MAP2K5: variants seen among roughly 807,000 people sequenced by gnomAD.
MAP2K5 encodes the protein dual specificity mitogen-activated protein kinase kinase 5.
MAP2K5 carries 49 observed loss-of-function variants against 83.1 expected under a neutral mutation model. That is an observed-to-expected ratio of 0.59 (90% CI 0.47 to 0.75). The LOEUF is 0.75. Ranked by LOEUF, MAP2K5 falls within the 30% of genes least tolerant of loss-of-function variation. MAP2K5 has a pLI of 0.00. For synonymous variants in MAP2K5, 202 were observed against 191.8 expected, an observed-to-expected ratio of 1.05 and a Z score of -0.44; for missense variants, 457 against 557.5, an observed-to-expected ratio of 0.82 and a Z score of 1.82.
rs2084762818 is a variant in MAP2K5 at position 67,562,776 on chromosome 15, T to G, written c.185-507T>G. ...TTCATGTCGCAGGTTTGTTATGAGG[T>G]TTTCAAGGAGGTATTGCATATGAAG... On this transcript the variant is annotated intron_variant, in intron 2 of 21. Coordinates refer to ENST00000178640, the MANE Select transcript of MAP2K5 (RefSeq NM_145160.3). The surrounding 1 kb of genome is among the most constrained non-coding windows in gnomAD (Gnocchi z 4.1). Among the ~76,000 whole-genome samples the G allele has an allele frequency of 6.6e-6, 1 of 151,966 alleles. No individual in the cohort carries two copies. The highest frequency in any genetic ancestry group is 2.4e-5 in the African/African-American group (1 of 41,348).
At position 67,758,543 on chromosome 15, in the gene MAP2K5, T is replaced by C. The variant is rs1355970362; in HGVS notation, c.1134+9942T>C. ...CATTTTATTTCTGTCTTCCTAGTAC[T>C]GCACCTAACATCCTATAGGCTCTTG... On this transcript the variant is annotated intron_variant, in intron 19 of 21. Transcript: ENST00000178640. This position sits in a 1 kb window ranked among gnomAD's most constrained non-coding sequence, Gnocchi z 4.7. Among the ~76,000 whole-genome samples the C allele has an allele frequency of 6.6e-6, 1 of 152,232 alleles. No individual in the cohort carries two copies. Among genetic ancestry groups the C allele is most frequent in the Non-Finnish European group, 1.5e-5 (1 of 68,036 alleles).
intron 2 of MAP2K5, among the ~76,000 whole-genome samples, chr15:67,558,786 T>C (rs145593249): frequency 2.0e-5 from 3 of 152,248 alleles, no homozygotes; most frequent in Non-Finnish European, 4.4e-5. Context: ...TCCCCAGATA[T>C]CAGCAAGGCC....
Position 67,760,449 on chromosome 15 carries a change from A to G in MAP2K5, c.1135-9153A>G, listed in dbSNP as rs1596926280. On this transcript the variant is annotated intron_variant, in intron 19 of 21. Coordinates refer to ENST00000178640, the MANE Select transcript of MAP2K5 (RefSeq NM_145160.3). This position sits in a 1 kb window ranked among gnomAD's most constrained non-coding sequence, Gnocchi z 4.1. Reference sequence around the variant, plus strand: ...ATTTTATTAACTATTGCTGAAAAAAATCTATATTTTTATTATTTCCAAGTG... The same window carrying G: ...ATTTTATTAACTATTGCTGAAAAAAGTCTATATTTTTATTATTTCCAAGTG... 6.6e-6 allele frequency among the ~76,000 whole-genome samples: 1 copy of G among 152,232 alleles called. No individual in the cohort carries two copies. Among genetic ancestry groups the G allele is most frequent in the East Asian group, 1.9e-4 (1 of 5,208 alleles).
chr15:67,792,527 ACACT>A (rs2090535980), intron 21 of MAP2K5, among the ~76,000 whole-genome samples: 1 of 152,144 alleles, frequency 6.6e-6, no homozygotes, highest in Non-Finnish European at 1.5e-5. Flanking sequence ...AAACCAGCTG[ACACT>A]CACTCTCTGA....
Position 67,744,105 on chromosome 15 carries a change from T to A in MAP2K5, c.1075-4126T>A, listed in dbSNP as rs568452482. 2.0e-5 allele frequency among the ~76,000 whole-genome samples: 3 copies of A among 152,370 alleles called. No individual in the cohort carries two copies. In the South Asian group the frequency reaches 6.2e-4, roughly 32 times the overall value. ...TGAACTAGATCATCTCTGGGGTTCCTTCCTTTCATAAATACTTTGGATCAT... is the reference window on the plus strand; with the variant it reads ...TGAACTAGATCATCTCTGGGGTTCCATCCTTTCATAAATACTTTGGATCAT... On this transcript the variant is annotated intron_variant, in intron 17 of 21. Transcript: ENST00000178640.
At chr15:67,743,165 G>A (rs1441254405) in intron 17 of MAP2K5, among the ~76,000 whole-genome samples, 1 of 152,160 alleles carries the variant, frequency 6.6e-6, no homozygotes, top group Non-Finnish European at 1.5e-5. Context: ...TTTCAAAACT[G>A]GTCACTCCTG....
At chr15:67,714,114 C>T (rs1365813783) in intron 16 of MAP2K5, among the ~76,000 whole-genome samples, 1 of 152,106 alleles carries the variant, frequency 6.6e-6, no homozygotes, top group Admixed American at 6.5e-5. Context: ...TAGGCATATT[C>T]CCTTTCCTTG....
intron 9 of MAP2K5, among the ~76,000 whole-genome samples, chr15:67,643,820 C>A (rs1483565776): frequency 6.6e-6 from 1 of 152,076 alleles, no homozygotes; most frequent in East Asian, 1.9e-4. Context: ...AACGCCTGGC[C>A]AATGTCAGGA....
chr15:67,604,935 G>A (rs892795236), intron 8 of MAP2K5, among the ~76,000 whole-genome samples: 5 of 151,966 alleles, frequency 3.3e-5, no homozygotes, highest in South Asian at 2.1e-4. Flanking sequence ...GAGAAGATCC[G>A]TAAAAGGCTT....
intron 13 of MAP2K5, among the ~76,000 whole-genome samples, chr15:67,686,471 G>T (rs185376491): frequency 6.6e-6 from 1 of 151,830 alleles, no homozygotes; most frequent in Non-Finnish European, 1.5e-5. Flanking sequence ...GCTGGGGGTG[G>T]TGGCAGGCGC....
Position 67,806,789 on chromosome 15 carries a change from A to G in MAP2K5, c.*39A>G, listed in dbSNP as rs1417504260. 2 of 1,592,658 alleles carry G rather than the reference A, an allele frequency of 1.3e-6. No homozygotes were observed. Among genetic ancestry groups the G allele is most frequent in the East Asian group, 4.5e-5 (2 of 44,412 alleles). On this transcript the variant is annotated 3_prime_UTR_variant, in exon 22 of 22. Coordinates refer to ENST00000178640, the MANE Select transcript of MAP2K5 (RefSeq NM_145160.3). ...CACTGAAAGCCCAGGACCAGTAACC[A>G]AGGAGAACAACCCACCCGTCGCCCT... is the stretch of plus-strand genomic sequence containing the variant.
At chr15:67,578,641 G>T (rs148430059) in intron 3 of MAP2K5, among the ~76,000 whole-genome samples, 3 of 151,754 alleles carry the variant, frequency 2.0e-5, no homozygotes, top group Non-Finnish European at 4.4e-5. Context: ...TGTGTTAGTC[G>T]TAGTACAGAG....
At chr15:67,651,104 G>C (rs1381217815) in intron 11 of MAP2K5, among the ~76,000 whole-genome samples, 1 of 152,178 alleles carries the variant, frequency 6.6e-6, no homozygotes, top group East Asian at 1.9e-4. Context: ...TGTAATCCCA[G>C]CTACTTGAGA....
In MAP2K5 at chr15:67,760,811, A is replaced by G. The variant is rs2089935244; in HGVS notation, c.1135-8791A>G. ...GTTGCTGTATTGTGAAGTCTTACCCAGCCATAGGACAATGCTCATTTAATC... is the reference window on the plus strand; with the variant it reads ...GTTGCTGTATTGTGAAGTCTTACCCGGCCATAGGACAATGCTCATTTAATC... On this transcript the variant is annotated intron_variant, in intron 19 of 21. Transcript: ENST00000178640. This position sits in a 1 kb window ranked among gnomAD's most constrained non-coding sequence, Gnocchi z 4.1. 6.6e-6 allele frequency among the ~76,000 whole-genome samples: 1 copy of G among 152,084 alleles called. No individual in the cohort carries two copies. The highest frequency in any genetic ancestry group is 1.5e-5 in the Non-Finnish European group (1 of 68,032).
At position 67,702,511 on chromosome 15, in the gene MAP2K5, G is replaced by A. The variant is rs11632828; in HGVS notation, c.973-826G>A. Reference sequence around the variant, plus strand: ...ATCATTCCACCTTTGTGAGACCTCCGTTTCTCTTATTCATTTGTTCACGTG... The same window carrying A: ...ATCATTCCACCTTTGTGAGACCTCCATTTCTCTTATTCATTTGTTCACGTG... On this transcript the variant is annotated intron_variant, in intron 15 of 21. Coordinates refer to ENST00000178640, the MANE Select transcript of MAP2K5 (RefSeq NM_145160.3). This position sits in a 1 kb window ranked among gnomAD's most constrained non-coding sequence, Gnocchi z 4.6. 0.14 allele frequency among the ~76,000 whole-genome samples: 20,690 copies of A among 152,126 alleles called. 1,512 individuals are homozygous for A. The highest frequency in any genetic ancestry group is 0.16 in the South Asian group (780 of 4,818).
rs1437089250 is a variant in MAP2K5 at position 67,575,896 on chromosome 15, T to TTTTCTTTCTTTCTTTCTTTCTTTC, written c.253-4835_253-4834insCTTTCTTTCTTTCTTTCTTTCTTT. On this transcript the variant is annotated intron_variant, in intron 3 of 21. Transcript: ENST00000178640. ...TCTCTGTCTCTGTTTTCTCTTCTTT[T>TTTTCTTTCTTTCTTTCTTTCTTTC]TTTCTTTCTTTCTTTCTTTCTTTTT... Among the ~76,000 whole-genome samples the TTTTCTTTCTTTCTTTCTTTCTTTC allele has an allele frequency of 1.0e-3, 70 of 68,354 alleles. 1 individual carries two copies. Among genetic ancestry groups the TTTTCTTTCTTTCTTTCTTTCTTTC allele is most frequent in the African/African-American group, 1.5e-3 (20 of 13,706 alleles). 44.8% of individuals were successfully genotyped at this position (68,354 alleles called of 152,430 possible).
At chr15:67,663,220 C>T (rs888908191) in intron 12 of MAP2K5, among the ~76,000 whole-genome samples, 2 of 152,130 alleles carry the variant, frequency 1.3e-5, no homozygotes, top group African/African-American at 4.8e-5. Context: ...CGATACAATA[C>T]TGTTATCTAC....
intron 7 of MAP2K5, among the ~76,000 whole-genome samples, chr15:67,597,564 A>C (rs541763782): frequency 6.6e-6 from 1 of 152,250 alleles, no homozygotes; most frequent in African/African-American, 2.4e-5. Context: ...TTTAAATACA[A>C]TATTCCATAA....
Position 67,543,045 on chromosome 15 carries a change from T to C in MAP2K5, c.-291T>C, listed in dbSNP as rs778670010. The C allele has an allele frequency of 2.5e-4, 114 of 454,356 alleles. 1 individual carries two copies. Among genetic ancestry groups the C allele is most frequent in the Non-Finnish European group, 4.1e-5 (10 of 246,888 alleles). The allele number at this position is 454,356 out of a possible 1,614,324, so 28.1% of individuals were successfully genotyped here. A position where few individuals can be genotyped will look rare whatever the true frequency, so the allele number is the denominator to read the frequency against. ...GCGGCAGAGACCTTCACCATAGCGT[T>C]CGCTCAACTCCAGAACCTTCCGACC... On this transcript the variant is annotated 5_prime_UTR_variant, in exon 1 of 22. Transcript: ENST00000178640. The surrounding 1 kb of genome is among the most constrained non-coding windows in gnomAD (Gnocchi z 4.3).
Sources: allele counts gnomAD v4.1 joint callset (sites outside exome capture counted in the v4.1 genomes callset), GRCh38; gene constraint gnomAD v4.1.1; non-coding constraint Gnocchi (gnomAD v3.1); transcripts MANE v1.5; gene names NCBI Gene and HGNC (gene_info 2026-07-23, HGNC 2026-07-21).